The following FIG4 variants were observed in gnomAD, a reference collection of about 807,000 sequenced individuals.
FIG4 encodes the protein polyphosphoinositide phosphatase.
In FIG4, 112 loss-of-function variants were observed where a neutral mutation model predicts 118.6. That is an observed-to-expected ratio of 0.94 (90% confidence interval 0.81 to 1.11). FIG4 has a LOEUF of 1.11. FIG4 is among the 50% of genes least tolerant of loss of function. FIG4 has a pLI of 0.00. For synonymous variants in FIG4, 369 were observed against 381.2 expected (o/e 0.97, Z 0.37); for missense variants, 969 against 1,111.7 (o/e 0.87, Z 1.83).
intron 1 of FIG4, among the ~76,000 whole-genome samples, chr6:109,702,455 T>G (rs1191018582): frequency 6.6e-6 from 1 of 152,226 alleles, no homozygotes; most frequent in Admixed American, 6.5e-5. Context: ...CAGGTATTAT[T>G]TCAATGTAGC....
At chr6:109,702,358 A>G (rs1281208826) in intron 1 of FIG4, among the ~76,000 whole-genome samples, 1 of 152,224 alleles carries the variant, frequency 6.6e-6, no homozygotes, top group East Asian at 1.9e-4. Flanking sequence ...CACCTCTATT[A>G]AAGCTATATT....
chr6:109,769,477 C>T (rs953011882), intron 15 of FIG4, among the ~76,000 whole-genome samples: 1 of 152,024 alleles, frequency 6.6e-6, no homozygotes, highest in Non-Finnish European at 1.5e-5. Context: ...GGGTGTACAA[C>T]TTATTTTTAA....
intron 22 of FIG4, among the ~76,000 whole-genome samples, chr6:109,801,858 T>C (rs927573250): frequency 1.3e-5 from 2 of 152,346 alleles, no homozygotes; most frequent in Admixed American, 6.5e-5. Flanking sequence ...CCCACCTCCA[T>C]TGATTTCATC....
At chr6:109,758,929 C>T (rs907029131) in intron 10 of FIG4, among the ~76,000 whole-genome samples, 2 of 152,100 alleles carry the variant, frequency 1.3e-5, no homozygotes, top group African/African-American at 4.8e-5. Flanking sequence ...GTTAGAATGG[C>T]GATTATTTAA....
chr6:109,700,484 C>T (rs888776798), intron 1 of FIG4, among the ~76,000 whole-genome samples: 4 of 152,148 alleles, frequency 2.6e-5, no homozygotes, highest in African/African-American at 9.7e-5. Context: ...AATAGATTCC[C>T]TTTTTCCCCC....
At chr6:109,693,257 C>T (rs1255689246) in intron 1 of FIG4, among the ~76,000 whole-genome samples, 1 of 152,122 alleles carries the variant, frequency 6.6e-6, no homozygotes, top group African/African-American at 2.4e-5. Flanking sequence ...CCTTCATATG[C>T]CTTATTCTGC....
Position 109,785,020 on chromosome 6 carries a change from A to G in FIG4, c.1940A>G (p.Tyr647Cys), listed in dbSNP as rs150301327. The G allele has an allele frequency of 6.3e-5, 99 of 1,564,846 alleles. 1 individual carries two copies. The highest frequency in any genetic ancestry group is 7.4e-5 in the Non-Finnish European group (84 of 1,134,672). The change falls in exon 17 of 23, where the codon TAT (tyrosine) becomes TGT (cysteine). Residue 647 changes from tyrosine (Y) to cysteine (C), a missense_variant. Tyr to Cys is a radical substitution (Grantham distance 194). This residue lies in a region of FIG4 where 330 missense variants were observed against 348.1 expected (regional missense o/e 0.95). Transcript: ENST00000230124. ...GTGATAAAGCATTTACCATTGCCCTATGATGAAGGTAGGTAACTGTTTGTG... is the reference window on the plus strand; with the variant it reads ...GTGATAAAGCATTTACCATTGCCCTGTGATGAAGGTAGGTAACTGTTTGTG... ...PEVIKHLPLP[Y>C]DEVICAVNLK...
rs9374119 is a variant in FIG4 at position 109,753,864 on chromosome 6, A to G, written c.1138-6386A>G. Among the ~76,000 whole-genome samples, 1,323 of 152,308 alleles carry G rather than the reference A, an allele frequency of 8.7e-3. 45 individuals carry two copies. The East Asian group carries it at 0.09, about 10-fold the overall frequency. ...GCTGAGACAATAGGGTTTTCTAGAT[A>G]TACAATCATGTCATCTGCAAACAGG... is the stretch of plus-strand genomic sequence containing the variant. On this transcript the variant is annotated intron_variant, in intron 10 of 22. Coordinates refer to ENST00000230124, the MANE Select transcript of FIG4 (RefSeq NM_014845.6).
Position 109,691,417 on chromosome 6 carries a change from G to T in FIG4, c.-19G>T, listed in dbSNP as rs761707195. 1.1e-5 allele frequency: 18 copies of T among 1,566,960 alleles called. No individual in the cohort carries two copies. The highest frequency in any genetic ancestry group is 1.6e-5 in the Non-Finnish European group (18 of 1,155,468). ...CCGGAGGCTCGTGCCCTGTTGTGGG[G>T]CCCCCATTTGCCGCCGCCATGCCCA... On this transcript the variant is annotated 5_prime_UTR_variant, in exon 1 of 23. Transcript: ENST00000230124.
chr6:109,702,877 G>C (rs1374145047), intron 1 of FIG4, among the ~76,000 whole-genome samples: 1 of 152,050 alleles, frequency 6.6e-6, no homozygotes, highest in Admixed American at 6.6e-5. Context: ...TATTCTTCTG[G>C]GTTTCATCTT....
chr6:109,766,370 CTTT>C (rs1386008300), intron 14 of FIG4, among the ~76,000 whole-genome samples: 1 of 152,170 alleles, frequency 6.6e-6, no homozygotes. Context: ...GGAGCATATT[CTTT>C]TTTCAGAGGC....
chr6:109,774,993 AT>A (rs1777578106), intron 15 of FIG4, among the ~76,000 whole-genome samples: 1 of 152,208 alleles, frequency 6.6e-6, no homozygotes, highest in Non-Finnish European at 1.5e-5. Flanking sequence ...ATTAAAAAGA[AT>A]TGTTATATTT....
At position 109,776,974 on chromosome 6, in the gene FIG4, T is replaced by C. The variant is rs1777638768; in HGVS notation, c.1803T>C (p.Thr601=). 7 of 1,613,100 alleles carry C rather than the reference T, an allele frequency of 4.3e-6. No individual in the cohort carries two copies. Among genetic ancestry groups the C allele is most frequent in the Non-Finnish European group, 5.9e-6 (7 of 1,179,096 alleles). The part of the protein sequence containing the change: ...INLFLGVFHP[T]EGKPHLWELP... The stretch of plus-strand genomic sequence containing the variant: ...TCTTCCTGGGAGTTTTCCATCCCAC[T>C]GAAGGGAAACCTCATCTCTGGGAGC... Residue 601 remains threonine, a synonymous_variant, in exon 16 of 23, where the codon ACT becomes ACC. Coordinates refer to ENST00000230124, the MANE Select transcript of FIG4 (RefSeq NM_014845.6).
intron 15 of FIG4, among the ~76,000 whole-genome samples, chr6:109,772,017 T>C (rs1199332679): frequency 3.3e-5 from 5 of 152,212 alleles, no homozygotes; most frequent in Non-Finnish European, 7.3e-5. Flanking sequence ...GAAAGGGTTG[T>C]CTCCACTGTG....
At chr6:109,812,558 G>A (rs1778749601) in intron 22 of FIG4, among the ~76,000 whole-genome samples, 1 of 152,236 alleles carries the variant, frequency 6.6e-6, no homozygotes, top group African/African-American at 2.4e-5. Context: ...TGGGAGCCAA[G>A]AGAAGAAAGT....
chr6:109,710,530 G>T (rs1455452020), intron 1 of FIG4, among the ~76,000 whole-genome samples: 2 of 152,172 alleles, frequency 1.3e-5, no homozygotes, highest in Non-Finnish European at 2.9e-5. Context: ...AGTAGAAATG[G>T]TACTAGTTCT....
chr6:109,717,341 C>T (rs548545471), intron 3 of FIG4, among the ~76,000 whole-genome samples: 16 of 152,274 alleles, frequency 1.1e-4, no homozygotes, highest in African/African-American at 3.4e-4. Context: ...TTAAATTTTA[C>T]CTGAGCTCCA....
intron 1 of FIG4, among the ~76,000 whole-genome samples, chr6:109,710,998 T>C (rs1189397036): frequency 1.3e-5 from 2 of 152,166 alleles, no homozygotes; most frequent in Non-Finnish European, 2.9e-5. Context: ...ATGTTGAGTA[T>C]CCTTGTTAAT....
chr6:109,698,442 A>G (rs1029938262), intron 1 of FIG4, among the ~76,000 whole-genome samples: 5 of 152,230 alleles, frequency 3.3e-5, no homozygotes, highest in East Asian at 1.9e-4. Flanking sequence ...TTGAAATTGT[A>G]TAATCTAGAA....
Sources: gnomAD v4.1 joint callset for allele counts (sites outside exome capture counted in the v4.1 genomes callset) on GRCh38, gnomAD v4.1.1 for gene constraint, gnomAD v4.1.1 regional missense constraint, MANE v1.5 for transcripts, NCBI Gene and HGNC (gene_info 2026-07-23, HGNC 2026-07-21) for gene names.